LRP5: variants seen among roughly 807,000 people sequenced by gnomAD.
LRP5 encodes the protein LDL receptor related protein 5, also known as low-density lipoprotein receptor-related protein 5.
A neutral mutation model predicts 154.1 loss-of-function variants in LRP5; 62 were observed. That is an observed-to-expected ratio of 0.40 (90% confidence interval 0.33 to 0.50). LRP5 has a LOEUF of 0.50. LRP5 is among the 20% of genes least tolerant of loss of function. The pLI, the probability that LRP5 is intolerant of heterozygous loss-of-function variation, is 0.55. For missense variants in LRP5, 1,915 were observed against 2,336.7 expected (o/e 0.82, Z 3.72); for synonymous variants, 966 against 1,011.5 (o/e 0.96, Z 0.85).
chr11:68,422,957 G>A (rs1317362824), intron 13 of LRP5, among the ~76,000 whole-genome samples: 1 of 152,030 alleles, frequency 6.6e-6, no homozygotes, highest in Non-Finnish European at 1.5e-5. Context: ...GGGTTGTAAG[G>A]GGCGGCCCCC....
At chr11:68,407,656 C>T (rs1199451576) in intron 9 of LRP5, among the ~76,000 whole-genome samples, 16 of 144,854 alleles carry the variant, frequency 1.1e-4, no homozygotes, top group African/African-American at 3.5e-4. Flanking sequence ...GCCTCACCCA[C>T]GTGGAGAAAC....
rs1296680503 is a variant in LRP5 at position 68,353,628 on chromosome 11, C to T, written c.489-4022C>T. 6.6e-6 allele frequency among the ~76,000 whole-genome samples: 1 copy of T among 152,212 alleles called. No individual in the cohort carries two copies. Among genetic ancestry groups the T allele is most frequent in the Non-Finnish European group, 1.5e-5 (1 of 68,022 alleles). ...GTCCTCTGTCCTGGCCACAGGCACA[C>T]GGTTGCGAGGAGCATCTTGGCCTTC... On this transcript the variant is annotated intron_variant, in intron 2 of 22. Transcript: ENST00000294304. This position sits in a 1 kb window ranked among gnomAD's most constrained non-coding sequence, Gnocchi z 4.5.
At chr11:68,393,446 G>T (rs893099679) in intron 7 of LRP5, among the ~76,000 whole-genome samples, 1 of 152,194 alleles carries the variant, frequency 6.6e-6, no homozygotes, top group Non-Finnish European at 1.5e-5. Context: ...AGTGTGTGAG[G>T]GTTCTGACTT....
intron 1 of LRP5, among the ~76,000 whole-genome samples, chr11:68,343,247 A>G (rs1304830993): frequency 6.6e-6 from 1 of 151,966 alleles, no homozygotes; most frequent in African/African-American, 2.4e-5. Context: ...GCTAATTTAG[A>G]GTAGAAAGTT....
At chr11:68,388,227 A>C (rs1036571433) in intron 6 of LRP5, among the ~76,000 whole-genome samples, 4 of 151,742 alleles carry the variant, frequency 2.6e-5, no homozygotes, top group Non-Finnish European at 4.4e-5. Context: ...CTTTAGCAAG[A>C]GGAGGCCCAG....
intron 1 of LRP5, among the ~76,000 whole-genome samples, chr11:68,324,633 T>C (rs138587853): frequency 1.8e-4 from 28 of 152,352 alleles, no homozygotes; most frequent in African/African-American, 6.5e-4. Context: ...TCCATCTGTT[T>C]TGAAAGGTTT....
chr11:68,363,996 G>A, intron 4 of LRP5, 53 bp downstream of exon 4: 1 of 685,838 alleles, frequency 1.5e-6, no homozygotes, highest in Non-Finnish European at 2.2e-6. Flanking sequence ...GGGGGAGCGG[G>A]GGCGCGGGGC....
At chr11:68,419,562 T>G (rs2098664392) in intron 13 of LRP5, among the ~76,000 whole-genome samples, 2 of 134,422 alleles carry the variant, frequency 1.5e-5, no homozygotes, top group South Asian at 4.8e-4. Context: ...TTTTTTGAGA[T>G]GGAGTCTCAC....
chr11:68,412,026 A>C (rs2098659873), intron 11 of LRP5, among the ~76,000 whole-genome samples: 1 of 152,072 alleles, frequency 6.6e-6, no homozygotes, highest in African/African-American at 2.4e-5. Flanking sequence ...CAGGGCCAGC[A>C]CTCGATCCCC....
chr11:68,312,736 C>T lies in LRP5; in HGVS notation c.22C>T (p.Pro8Ser). 3 of 1,056,000 alleles carry T rather than the reference C, an allele frequency of 2.8e-6. No homozygotes were observed. Among genetic ancestry groups the T allele is most frequent in the Admixed American group, 4.9e-5 (1 of 20,240 alleles). The allele number at this position is 1,056,000 out of a possible 1,614,324, so 65.4% of individuals were successfully genotyped here. Reference protein sequence around the residue: MEAAPPGPPWPLLLLLLL... With the variant: MEAAPPGSPWPLLLLLLL... Reference sequence around the variant, plus strand: ...CAACATGGAGGCAGCGCCGCCCGGGCCGCCGTGGCCGCTGCTGCTGCTGCT... The same window carrying T: ...CAACATGGAGGCAGCGCCGCCCGGGTCGCCGTGGCCGCTGCTGCTGCTGCT... Residue 8 changes from proline to serine, a missense_variant, in exon 1 of 23, where the codon CCG (proline) becomes TCG (serine). This residue lies in a region of LRP5 where 48 missense variants were observed against 25.7 expected (regional missense o/e 1.87). Coordinates refer to ENST00000294304, the MANE Select transcript of LRP5 (RefSeq NM_002335.4).
intron 13 of LRP5, among the ~76,000 whole-genome samples, chr11:68,417,331 C>T (rs973123388): frequency 5.9e-5 from 9 of 151,438 alleles, no homozygotes; most frequent in Non-Finnish European, 8.8e-5. Flanking sequence ...AGTTCCCTGC[C>T]GGCTGTAGTT....
At chr11:68,416,236 G>A (rs975049829) in intron 12 of LRP5, 92 bp from the exon 13 acceptor site, 18 of 1,107,672 alleles carry the variant, frequency 1.6e-5, no homozygotes, top group Non-Finnish European at 2.5e-5. Context: ...CAGATGCTGA[G>A]CCGCCTGTTG....
At chr11:68,414,109 G>T in intron 12 of LRP5, 97 bp downstream of exon 12, 1 of 1,171,446 alleles carries the variant, frequency 8.5e-7, no homozygotes, top group South Asian at 1.3e-5. Context: ...GGGGTTCCTG[G>T]GTGTACATAG....
rs1018924709 is a variant in LRP5 at position 68,423,416 on chromosome 11, A to C, written c.3028-73A>C. On this transcript the variant is annotated intron_variant, in intron 13 of 22. Transcript: ENST00000294304. This position sits in a 1 kb window ranked among gnomAD's most constrained non-coding sequence, Gnocchi z 4.7. ...CCACCAGTGCCCGGGGGTCTCCGCC[A>C]GTGCCAGGGGTCTCCGCCAGTGCCC... 7.0e-7 allele frequency: 1 copy of C among 1,418,728 alleles called. No homozygotes were observed. The highest frequency in any genetic ancestry group is 1.0e-6 in the Non-Finnish European group (1 of 1,003,658). 87.9% of individuals were successfully genotyped at this position (1,418,728 alleles called of 1,614,324 possible). A position where few individuals can be genotyped will look rare whatever the true frequency, so the allele number is the denominator to read the frequency against.
At chr11:68,382,677 GAAA>G (rs2098640892) in intron 5 of LRP5, among the ~76,000 whole-genome samples, 1 of 152,122 alleles carries the variant, frequency 6.6e-6, no homozygotes, top group Non-Finnish European at 1.5e-5. Context: ...GGCGGCAAGT[GAAA>G]AACGCACTTC....
chr11:68,385,323 T>A (rs1336747063), intron 5 of LRP5, among the ~76,000 whole-genome samples: 1 of 152,070 alleles, frequency 6.6e-6, no homozygotes, highest in Non-Finnish European at 1.5e-5. Flanking sequence ...GGCTTGGCCC[T>A]GGGGGGCAGC....
chr11:68,377,345 A>G (rs2098637936), intron 5 of LRP5, among the ~76,000 whole-genome samples: 1 of 152,166 alleles, frequency 6.6e-6, no homozygotes, highest in African/African-American at 2.4e-5. Context: ...AGAGCCCCTG[A>G]CTGCAGGCCA....
intron 1 of LRP5, among the ~76,000 whole-genome samples, chr11:68,316,431 C>T (rs1367016668): frequency 6.6e-6 from 1 of 152,054 alleles, no homozygotes; most frequent in African/African-American, 2.4e-5. Context: ...GCCACCACGC[C>T]CAGCTAATTT....
chr11:68,389,114 C>G (rs1162630522), intron 6 of LRP5, among the ~76,000 whole-genome samples: 1 of 142,040 alleles, frequency 7.0e-6, no homozygotes, highest in African/African-American at 2.6e-5. Flanking sequence ...TGGCATCTAC[C>G]AACACCAACA....
Sources: gnomAD v4.1 joint callset for allele counts (sites outside exome capture counted in the v4.1 genomes callset) on GRCh38, gnomAD v4.1.1 for gene constraint, gnomAD v4.1.1 regional missense constraint, Gnocchi (gnomAD v3.1) non-coding constraint, MANE v1.5 for transcripts, NCBI Gene and HGNC (gene_info 2026-07-23, HGNC 2026-07-21) for gene names.